Variants in RADIL observed in about 807,000 individuals in gnomAD.
RADIL encodes Rap associating with DIL domain, also known as ras-associating and dilute domain-containing protein.
In RADIL, 99 loss-of-function variants were observed where a neutral mutation model predicts 97.6. The observed-to-expected ratio is 1.01, with a 90% CI of 0.86 to 1.20. The LOEUF is 1.20. Among genes scored for constraint, RADIL ranks in the 50% most tolerant of loss-of-function variants. The probability of loss-of-function intolerance (pLI) is 0.00; values close to 1 mark genes in which losing one functional copy is unlikely to be tolerated. For synonymous variants in RADIL, 803 were observed against 691.8 expected (o/e 1.16, Z -2.52); for missense variants, 1,765 against 1,498.9 (o/e 1.18, Z -2.93).
chr7:4,816,604 A>G, intron 7 of RADIL, 139 bp from the exon 8 acceptor site: 2 of 688,646 alleles, frequency 2.9e-6, no homozygotes, highest in Admixed American at 2.6e-5. Context: ...TGGACAGGCC[A>G]TGGCTTTGCA....
intron 2 of RADIL, chr7:4,860,392 CA>C (rs761523603): frequency 6.2e-7 from 1 of 1,613,842 alleles, no homozygotes; most frequent in African/African-American, 1.3e-5. Context: ...TCTTACTATT[CA>C]CTGCTTGCCT....
rs1227889841 is a variant in RADIL at position 4,877,933 on chromosome 7, C to T, written c.207G>A (p.Gly69=). ...AGTGGGTTCCTGTGCAGACACTGTC[C>T]CCAAACACCTTCAGGACACCAGGGG... ...LSAPGVLKVF[G]DSVCTGTHYK... Residue 69 remains glycine (G), a synonymous_variant, in exon 2 of 15, where the codon GGG becomes GGA. Transcript: ENST00000399583. 6.8e-6 allele frequency: 11 copies of T among 1,608,754 alleles called. No individual in the cohort carries two copies. Among genetic ancestry groups the T allele is most frequent in the Non-Finnish European group, 9.3e-6 (11 of 1,179,992 alleles).
At position 4,860,184 on chromosome 7, in the gene RADIL, T is replaced by C. The variant is rs541996058; in HGVS notation, c.535+17421A>G. 1.1e-5 allele frequency: 18 copies of C among 1,614,070 alleles called. No individual in the cohort carries two copies. The East Asian group carries it at 2.9e-4, about 26-fold the overall frequency. On this transcript the variant is annotated intron_variant, in intron 2 of 14. Transcript: ENST00000399583. ...CTGCTAATCAATGGGCCTGTCTTCATAGTGCTAGTAGATGAAGGCACAGAC... is the reference window on the plus strand; with the variant it reads ...CTGCTAATCAATGGGCCTGTCTTCACAGTGCTAGTAGATGAAGGCACAGAC...
chr7:4,801,572 G>C, intron 12 of RADIL, 81 bp downstream of exon 12: 3 of 1,434,396 alleles, frequency 2.1e-6, no homozygotes, highest in Non-Finnish European at 2.8e-6. Flanking sequence ...CCCAAGGGGG[G>C]AACGATCCCA....
intron 9 of RADIL, among the ~76,000 whole-genome samples, chr7:4,807,422 C>G (rs959008645): frequency 6.6e-6 from 1 of 151,968 alleles, no homozygotes; most frequent in Admixed American, 6.6e-5. Flanking sequence ...GACCAGAGGT[C>G]GGGGCCAAGA....
intron 12 of RADIL, 96 bp from the exon 13 acceptor site, chr7:4,800,406 G>C (rs1018862379): frequency 3.2e-6 from 4 of 1,266,668 alleles, no homozygotes; most frequent in African/African-American, 3.2e-5. Context: ...TAGGGCGTCA[G>C]GGATGGGATG....
chr7:4,843,348 G>A (rs910131776), intron 2 of RADIL, among the ~76,000 whole-genome samples: 10 of 151,984 alleles, frequency 6.6e-5, no homozygotes, highest in African/African-American at 9.7e-5. Context: ...AGTAACAACC[G>A]GGGACGCGCT....
rs777675046 is a variant in RADIL at position 4,854,573 on chromosome 7, A to T, written c.536-17968T>A. On this transcript the variant is annotated intron_variant, in intron 2 of 14. Coordinates refer to ENST00000399583, the MANE Select transcript of RADIL (RefSeq NM_018059.5). This position sits in a 1 kb window ranked among gnomAD's most constrained non-coding sequence, Gnocchi z 5.1. ...GCTGGGTATGTTGGCGGGCGCCTGTAATCCCAGCTACTCGGAAGACTGAGA... is the reference window on the plus strand; with the variant it reads ...GCTGGGTATGTTGGCGGGCGCCTGTTATCCCAGCTACTCGGAAGACTGAGA... 1.6e-4 allele frequency among the ~76,000 whole-genome samples: 25 copies of T among 152,144 alleles called. No homozygotes were observed. The highest frequency in any genetic ancestry group is 3.2e-4 in the Non-Finnish European group (22 of 68,030).
Position 4,877,820 on chromosome 7 carries a change from G to A in RADIL, c.320C>T (p.Ala107Val). The part of the protein sequence containing the change: ...LERYALDPRQ[A>V]GQYVLCDVVG... ...CACGTCACACAGCACGTACTGGCCG[G>A]CCTGCCTGGGGTCCAGGGCGTACCG... The change falls in exon 2 of 15, where the codon GCC (alanine) becomes GTC (valine). Residue 107 changes from alanine to valine, a missense_variant. Ala to Val is a moderately conservative substitution (Grantham distance 64). Transcript: ENST00000399583. The A allele has an allele frequency of 1.2e-6, 2 of 1,608,766 alleles. No homozygotes were observed. Among genetic ancestry groups the A allele is most frequent in the Non-Finnish European group, 8.5e-7 (1 of 1,179,844 alleles).
Position 4,877,721 on chromosome 7 carries a change from G to A in RADIL, c.419C>T (p.Pro140Leu). Residue 140 changes from proline (P) to leucine (L), a missense_variant, in exon 2 of 15, where the codon CCC (proline) becomes CTC (leucine). Transcript: ENST00000399583. ...CFRVFGDSEK[P>L]LLIQELWKPR... ...TTTCCATAATTCCTGGATCAAGAGG[G>A]GCTTCTCACTGTCCCCAAACACCCG... 6.2e-7 allele frequency: 1 copy of A among 1,614,072 alleles called. No individual in the cohort carries two copies. Among genetic ancestry groups the A allele is most frequent in the Non-Finnish European group, 8.5e-7 (1 of 1,180,034 alleles).
intron 2 of RADIL, among the ~76,000 whole-genome samples, chr7:4,845,157 T>C (rs1383363693): frequency 6.6e-6 from 1 of 152,132 alleles, no homozygotes; most frequent in African/African-American, 2.4e-5. Flanking sequence ...TGGTGGTTCA[T>C]GCCTGTAATC....
In RADIL at chr7:4,877,707, C is replaced by T; in HGVS notation, c.433G>A (p.Glu145Lys). ...AAACCTTCTCGGGGTTTCCATAATT[C>T]CTGGATCAAGAGGGGCTTCTCACTG... The part of the protein sequence containing the change: ...GDSEKPLLIQ[E>K]LWKPREGLSR... Residue 145 changes from glutamate (E) to lysine (K), a missense_variant, in exon 2 of 15, where the codon GAA becomes AAA. Transcript: ENST00000399583. The T allele has an allele frequency of 1.2e-6, 2 of 1,614,184 alleles. No individual in the cohort carries two copies. Among genetic ancestry groups the T allele is most frequent in the Middle Eastern group, 1.6e-4 (1 of 6,062 alleles).
intron 5 of RADIL, among the ~76,000 whole-genome samples, chr7:4,827,749 G>A (rs1046839385): frequency 3.3e-5 from 5 of 152,142 alleles, no homozygotes; most frequent in Non-Finnish European, 7.3e-5. Context: ...CTCCCTCCCC[G>A]AGGACTCTGG....
At chr7:4,816,928 G>T (rs780431100) in intron 7 of RADIL, among the ~76,000 whole-genome samples, 1 of 152,160 alleles carries the variant, frequency 6.6e-6, no homozygotes, top group Non-Finnish European at 1.5e-5. Context: ...TGTCCCTTGC[G>T]CCCCATGCTG....
intron 2 of RADIL, chr7:4,865,457 G>A: frequency 1.3e-6 from 1 of 754,930 alleles, no homozygotes; most frequent in Non-Finnish European, 2.5e-6. Context: ...CCTCTTCTTT[G>A]TCCTGGTTAA....
chr7:4,831,369 T>A (rs974848564), intron 5 of RADIL, among the ~76,000 whole-genome samples: 1 of 151,594 alleles, frequency 6.6e-6, no homozygotes, highest in African/African-American at 2.4e-5. Flanking sequence ...CAACAGACAC[T>A]GGGGCCTTTC....
chr7:4,803,821 C>T (rs1782198882), intron 10 of RADIL, 67 bp from the exon 11 acceptor site: 1 of 1,426,610 alleles, frequency 7.0e-7, no homozygotes, highest in Non-Finnish European at 9.7e-7. Context: ...GGCCGCCCCG[C>T]CCAACGGTGT....
chr7:4,799,440 G>T lies in RADIL; in HGVS notation c.3166C>A (p.Leu1056Met), dbSNP rs985451474. The change falls in exon 15 of 15, where the codon CTG (leucine) becomes ATG (methionine). Residue 1056 changes from leucine to methionine, a missense_variant. Coordinates refer to ENST00000399583, the MANE Select transcript of RADIL (RefSeq NM_018059.5). ...IRHGGKKMRF[L>M]VAKSDVETAK... ...GTTTCCACGTCGGACTTCGCGACCA[G>T]GAACCGCATCTTCTTCCCGCCATGA... 2 of 1,613,844 alleles carry T rather than the reference G, an allele frequency of 1.2e-6. No homozygotes were observed. Among genetic ancestry groups the T allele is most frequent in the Non-Finnish European group, 1.7e-6 (2 of 1,179,988 alleles).
In RADIL at chr7:4,877,811, T is replaced by C; in HGVS notation, c.329A>G (p.Tyr110Cys). ...YALDPRQAGQ[Y>C]VLCDVVGQAG... ...TTGGCCCACCACGTCACACAGCACG[T>C]ACTGGCCGGCCTGCCTGGGGTCCAG... Residue 110 changes from tyrosine to cysteine, a missense_variant, in exon 2 of 15, where the codon TAC becomes TGC. Transcript: ENST00000399583. 1 of 1,609,928 alleles carries C rather than the reference T, an allele frequency of 6.2e-7. No homozygotes were observed. The highest frequency in any genetic ancestry group is 8.5e-7 in the Non-Finnish European group (1 of 1,179,876).
Sources: gnomAD v4.1 joint callset for allele counts (sites outside exome capture counted in the v4.1 genomes callset) on GRCh38, gnomAD v4.1.1 for gene constraint, Gnocchi (gnomAD v3.1) non-coding constraint, MANE v1.5 for transcripts, NCBI Gene and HGNC (gene_info 2026-07-23, HGNC 2026-07-21) for gene names.